The following NPRL3 variants were observed in gnomAD, a reference collection of about 807,000 sequenced individuals.
The protein encoded by NPRL3 is NPR3 like, GATOR1 complex subunit.
Under a neutral mutation model 57.2 loss-of-function variants are expected in NPRL3, and 23 were observed. That is an observed-to-expected ratio of 0.40 (90% CI 0.29 to 0.57). The LOEUF is 0.57. Ranked by LOEUF, NPRL3 falls within the 20% of genes least tolerant of loss-of-function variation. The probability of loss-of-function intolerance (pLI) is 0.42; values close to 1 mark genes in which losing one functional copy is unlikely to be tolerated. For synonymous variants in NPRL3, 333 were observed against 321.1 expected (o/e 1.04, Z -0.39); for missense variants, 691 against 767.1 (o/e 0.90, Z 1.17).
chr16:111,876 C>G (rs953985231), intron 6 of NPRL3, among the ~76,000 whole-genome samples: 3 of 152,114 alleles, frequency 2.0e-5, no homozygotes, highest in Admixed American at 2.0e-4. Flanking sequence ...AGTTTTGTTC[C>G]TAATTCTCTC....
chr16:129,830 G>C (rs991698459), intron 3 of NPRL3, among the ~76,000 whole-genome samples: 1 of 152,088 alleles, frequency 6.6e-6, no homozygotes, highest in Non-Finnish European at 1.5e-5. Context: ...ACTCCACACA[G>C]GCCTTGTCTG....
intron 13 of NPRL3, 127 bp downstream of exon 13, chr16:88,571 G>C: frequency 1.2e-6 from 1 of 860,438 alleles, no homozygotes; most frequent in Non-Finnish European, 1.8e-6. Flanking sequence ...TGAATGCAGA[G>C]ACTCCATCTC....
intron 6 of NPRL3, among the ~76,000 whole-genome samples, chr16:111,721 G>A (rs1175123348): frequency 1.3e-5 from 2 of 152,136 alleles, no homozygotes; most frequent in Non-Finnish European, 2.9e-5. Flanking sequence ...CCTAAGTGCT[G>A]GGATTACAGG....
At chr16:117,695 G>A (rs938230015) in intron 4 of NPRL3, among the ~76,000 whole-genome samples, 14 of 152,170 alleles carry the variant, frequency 9.2e-5, no homozygotes, top group African/African-American at 2.9e-4. Context: ...TCCCGTGCCC[G>A]CCTGCATCCA....
rs770952322 is a variant in NPRL3 at position 89,741 on chromosome 16, C to T, written c.1323G>A (p.Thr441=). ...TARVGGRSLS[T]PNALSFGSPT... is the part of the protein sequence containing the mutation. ...GGGAGCCAAAGCTGAGGGCGTTGGGCGTGCTGAGGCTGCGACCGCCGACCC... is the reference window on the plus strand; with the variant it reads ...GGGAGCCAAAGCTGAGGGCGTTGGGTGTGCTGAGGCTGCGACCGCCGACCC... Residue 441 remains threonine (T), a synonymous_variant, in exon 12 of 14, where the codon ACG becomes ACA. Transcript: ENST00000611875. 19 of 1,592,826 alleles carry T rather than the reference C, an allele frequency of 1.2e-5. No homozygotes were observed. Among genetic ancestry groups the T allele is most frequent in the African/African-American group, 5.4e-5 (4 of 73,932 alleles).
At chr16:87,646 G>A (rs1410071199) in intron 13 of NPRL3, among the ~76,000 whole-genome samples, 1 of 150,404 alleles carries the variant, frequency 6.6e-6, no homozygotes, top group Non-Finnish European at 1.5e-5. Flanking sequence ...TCCTCCTCCC[G>A]CCAAGCTCCG....
intron 9 of NPRL3, among the ~76,000 whole-genome samples, chr16:97,409 T>TG (rs1899061878): frequency 2.4e-5 from 2 of 84,716 alleles, no homozygotes; most frequent in East Asian, 5.8e-4. Context: ...CACACCCAGC[T>TG]ATTTTTTTTT....
chr16:131,508 G>A (rs1186783719), intron 2 of NPRL3, among the ~76,000 whole-genome samples: 1 of 149,070 alleles, frequency 6.7e-6, no homozygotes, highest in Non-Finnish European at 1.5e-5. Flanking sequence ...AGCCGGGCAT[G>A]GTGGTGGGCA....
At chr16:117,244 G>T in intron 5 of NPRL3, 57 bp downstream of exon 5, 1 of 1,259,202 alleles carries the variant, frequency 7.9e-7, no homozygotes, top group Non-Finnish European at 1.1e-6. Context: ...TGGAAAAAAA[G>T]AGCTGCTTCT....
rs35711713 is a variant in NPRL3, at chr16:131,478, C to CAA, written c.119-889_119-888dup. 2.4e-3 allele frequency among the ~76,000 whole-genome samples: 238 copies of CAA among 98,458 alleles called. 4 individuals carry two copies. Among genetic ancestry groups the CAA allele is most frequent in the South Asian group, 0.016 (51 of 3,284 alleles). 64.6% of individuals were successfully genotyped at this position (98,458 alleles called of 152,430 possible). A position where few individuals can be genotyped will look rare whatever the true frequency, so the allele number is the denominator to read the frequency against. ...TGGGAGACACGGCAAGACTCCGTCT[C>CAA]AAAAAAAAAAAAAAAAATTAGCCGG... On this transcript the variant is annotated intron_variant, in intron 2 of 13. Coordinates refer to ENST00000611875, the MANE Select transcript of NPRL3 (RefSeq NM_001077350.3).
chr16:89,687 C>T (rs753076463), intron 12 of NPRL3, 26 bp downstream of exon 12: 1 of 1,523,474 alleles, frequency 6.6e-7, no homozygotes, highest in African/African-American at 1.4e-5. Context: ...CCCCTGACTA[C>T]CACAGCGGTG....
At chr16:89,337 G>T in intron 12 of NPRL3, 1 of 279,940 alleles carries the variant, frequency 3.6e-6, no homozygotes. Context: ...CCTGGCAACA[G>T]GCTGCTGCCC....
At chr16:119,912 C>T (rs192824814) in intron 3 of NPRL3, among the ~76,000 whole-genome samples, 5 of 152,348 alleles carry the variant, frequency 3.3e-5, no homozygotes, top group Admixed American at 1.3e-4. Context: ...AGGTTGCACA[C>T]AACTGGGTGC....
rs576901722 is a variant in NPRL3, at chr16:131,191, C to T, written c.119-600G>A. Among the ~76,000 whole-genome samples, 4 of 152,182 alleles carry T rather than the reference C, an allele frequency of 2.6e-5. No homozygotes were observed. The South Asian group carries it at 8.3e-4, about 32-fold the overall frequency. Reference sequence around the variant, plus strand: ...CTCTACTAAAAATACAAAAATTAGCCGGGCATGGCTGAGCGCGGTGGTTCA... The same window carrying T: ...CTCTACTAAAAATACAAAAATTAGCTGGGCATGGCTGAGCGCGGTGGTTCA... On this transcript the variant is annotated intron_variant, in intron 2 of 13. Transcript: ENST00000611875.
rs1218239848 is a variant in NPRL3, at chr16:85,720, G to C, written c.*985C>G. ...GGAAACCCCTCCGCTTCTATGTCCGGGGCAGCCCCTGGGTCAGTGTGGTCG... is the reference window on the plus strand; with the variant it reads ...GGAAACCCCTCCGCTTCTATGTCCGCGGCAGCCCCTGGGTCAGTGTGGTCG... On this transcript the variant is annotated 3_prime_UTR_variant, in exon 14 of 14. Coordinates refer to ENST00000611875, the MANE Select transcript of NPRL3 (RefSeq NM_001077350.3). The C allele has an allele frequency of 1.3e-6, 2 of 1,532,028 alleles. No individual in the cohort carries two copies. The highest frequency in any genetic ancestry group is 8.8e-7 in the Non-Finnish European group (1 of 1,136,930). 94.9% of individuals were successfully genotyped at this position (1,532,028 alleles called of 1,614,324 possible).
chr16:87,565 G>A (rs893024718), intron 13 of NPRL3, among the ~76,000 whole-genome samples: 6 of 138,336 alleles, frequency 4.3e-5, no homozygotes, highest in East Asian at 2.2e-4. Flanking sequence ...ACGGAGTCTC[G>A]CTCTGCTGCC....
rs749893964 is a variant in NPRL3 at position 100,523 on chromosome 16, G to T, written c.630-14C>A. Reference sequence around the variant, plus strand: ...GACGTGCACAGGCTGCAGAGAGTGGGCGCTGTTACCCGTTCACATAAACTT... The same window carrying T: ...GACGTGCACAGGCTGCAGAGAGTGGTCGCTGTTACCCGTTCACATAAACTT... On this transcript the variant is annotated splice_polypyrimidine_tract_variant and intron_variant, in intron 7 of 13. Coordinates refer to ENST00000611875, the MANE Select transcript of NPRL3 (RefSeq NM_001077350.3). 1 of 1,545,500 alleles carries T rather than the reference G, an allele frequency of 6.5e-7. No homozygotes were observed. Among genetic ancestry groups the T allele is most frequent in the South Asian group, 1.3e-5 (1 of 79,604 alleles).
chr16:94,618 C>A (rs547907498), intron 9 of NPRL3, among the ~76,000 whole-genome samples: 1 of 152,110 alleles, frequency 6.6e-6, no homozygotes, highest in African/African-American at 2.4e-5. Context: ...CCAGGCACTG[C>A]GGCACATGCC....
intron 3 of NPRL3, among the ~76,000 whole-genome samples, chr16:128,115 C>T (rs999747738): frequency 3.9e-5 from 6 of 151,990 alleles, no homozygotes; most frequent in African/African-American, 4.8e-5. Context: ...CCTTAGCCTC[C>T]GGAGTAGCTA....
Sources: allele counts gnomAD v4.1 joint callset (sites outside exome capture counted in the v4.1 genomes callset), GRCh38; gene constraint gnomAD v4.1.1; transcripts MANE v1.5; gene names NCBI Gene and HGNC (gene_info 2026-07-23, HGNC 2026-07-21).